ATP8A2: variants seen among roughly 807,000 people sequenced by gnomAD.
ATP8A2 encodes phospholipid-transporting ATPase IB.
Under a neutral mutation model 165.6 loss-of-function variants are expected in ATP8A2, and 100 were observed. That is an observed-to-expected ratio of 0.60 (90% CI 0.51 to 0.71). The LOEUF (loss-of-function observed/expected upper bound fraction) is 0.71, where lower values mean the gene tolerates loss of function less well. ATP8A2 is among the 30% of genes least tolerant of loss of function. The probability of loss-of-function intolerance (pLI) is 0.00; values close to 1 mark genes in which losing one functional copy is unlikely to be tolerated. For missense variants in ATP8A2, 1,227 were observed against 1,479.5 expected (o/e 0.83, Z 2.80); for synonymous variants, 543 against 548.8 (o/e 0.99, Z 0.15).
intron 24 of ATP8A2, among the ~76,000 whole-genome samples, chr13:25,650,091 T>C (rs2041774641): frequency 1.3e-5 from 2 of 152,146 alleles, no homozygotes; most frequent in Non-Finnish European, 2.9e-5. Flanking sequence ...GTAGAAACCA[T>C]GGTTTTTGGG....
intron 25 of ATP8A2, among the ~76,000 whole-genome samples, chr13:25,714,033 T>G (rs192276920): frequency 2.0e-5 from 3 of 152,138 alleles, no homozygotes; most frequent in Non-Finnish European, 4.4e-5. Context: ...TAGGCTGATA[T>G]AGATTTCTGT....
chr13:25,893,621 G>A (rs1409723704), intron 33 of ATP8A2, among the ~76,000 whole-genome samples: 2 of 152,156 alleles, frequency 1.3e-5, no homozygotes, highest in African/African-American at 4.8e-5. Context: ...CTGAGGAATC[G>A]CCACACCAAC....
chr13:25,902,640 C>G (rs1219991135), intron 33 of ATP8A2, among the ~76,000 whole-genome samples: 1 of 151,492 alleles, frequency 6.6e-6, no homozygotes, highest in African/African-American at 2.4e-5. Flanking sequence ...CGTGTGTGTG[C>G]ATGTGCAGGC....
intron 25 of ATP8A2, among the ~76,000 whole-genome samples, chr13:25,754,113 C>T (rs1286776450): frequency 2.6e-5 from 4 of 152,242 alleles, no homozygotes; most frequent in Non-Finnish European, 5.9e-5. Flanking sequence ...CTGCACATCT[C>T]CCTTAATTGC....
At chr13:25,964,590 A>G (rs553346446) in intron 34 of ATP8A2, among the ~76,000 whole-genome samples, 173 of 152,334 alleles carry the variant, frequency 1.1e-3, no homozygotes, top group Non-Finnish European at 1.6e-3. Context: ...CTGAACAAAA[A>G]TATTAATCCT....
rs999396549 is a variant in ATP8A2 at position 25,465,043 on chromosome 13, A to C, written c.77-3934A>C. Among the ~76,000 whole-genome samples the C allele has an allele frequency of 4.7e-4, 71 of 152,082 alleles. 1 individual carries two copies. The highest frequency in any genetic ancestry group is 3.3e-4 in the Admixed American group (5 of 15,264). On this transcript the variant is annotated intron_variant, in intron 1 of 36. Transcript: ENST00000381655. Reference sequence around the variant, plus strand: ...TTCCCTTTGGTTTCTTTCTCAGCTAATAGATATTTATTGAACTCCCACTCT... The same window carrying C: ...TTCCCTTTGGTTTCTTTCTCAGCTACTAGATATTTATTGAACTCCCACTCT...
At chr13:25,992,619 CTCT>C (rs1956417213) in intron 35 of ATP8A2, among the ~76,000 whole-genome samples, 1 of 151,946 alleles carries the variant, frequency 6.6e-6, no homozygotes, top group African/African-American at 2.4e-5. Context: ...TCTAAGAGAA[CTCT>C]GCTTAGCCCT....
intron 1 of ATP8A2, among the ~76,000 whole-genome samples, chr13:25,401,408 C>T (rs1321181806): frequency 6.6e-6 from 1 of 152,164 alleles, no homozygotes; most frequent in Admixed American, 6.5e-5. Context: ...TAAATTGAAT[C>T]TGAAGAAAGA....
At chr13:25,631,908 A>T (rs1054769344) in intron 24 of ATP8A2, among the ~76,000 whole-genome samples, 3 of 152,052 alleles carry the variant, frequency 2.0e-5, no homozygotes, top group African/African-American at 7.2e-5. Flanking sequence ...CTAGCAGCAA[A>T]CACCAACTGG....
In ATP8A2 at chr13:26,021,882, C is replaced by CT. The variant is rs1473255005; in HGVS notation, c.*1903dup. The CT allele has an allele frequency of 8.5e-5, 13 of 152,240 alleles. No individual in the cohort carries two copies. The South Asian group carries it at 1.0e-3, about 12-fold the overall frequency. The allele number at this position is 152,240 out of a possible 1,614,324, so 9.4% of individuals were successfully genotyped here. A position where few individuals can be genotyped will look rare whatever the true frequency, so the allele number is the denominator to read the frequency against. On this transcript the variant is annotated 3_prime_UTR_variant, in exon 37 of 37. Transcript: ENST00000381655. ...CTTTAGTGCACTTTGCTTCCTAACC[C>CT]TTTTTTGTCAGAAATCTACAACCTA...
intron 24 of ATP8A2, among the ~76,000 whole-genome samples, chr13:25,594,370 G>A (rs1311357645): frequency 6.6e-6 from 1 of 152,064 alleles, no homozygotes; most frequent in Non-Finnish European, 1.5e-5. Context: ...GTTGAATATG[G>A]GTGGAAGACC....
rs9581478 is a variant in ATP8A2 at position 25,927,170 on chromosome 13, G to A, written c.3184-34405G>A. On this transcript the variant is annotated intron_variant, in intron 33 of 36. Coordinates refer to ENST00000381655, the MANE Select transcript of ATP8A2 (RefSeq NM_016529.6). ...AAACACTAGCTGGATATTGCCCTCC[G>A]TGCTGCACGGCGGGTCCCTGTGCCC... 3.1e-3 allele frequency: 1,433 copies of A among 456,642 alleles called. 16 individuals are homozygous for A. Among genetic ancestry groups the A allele is most frequent in the African/African-American group, 0.023 (1,135 of 50,136 alleles). The allele number at this position is 456,642 out of a possible 1,614,324, so 28.3% of individuals were successfully genotyped here. A position where few individuals can be genotyped will look rare whatever the true frequency, so the allele number is the denominator to read the frequency against.
intron 2 of ATP8A2, among the ~76,000 whole-genome samples, chr13:25,512,928 C>T: frequency 6.8e-6 from 1 of 146,864 alleles, no homozygotes. Flanking sequence ...CCCCACCTCC[C>T]TCCCGGATGG....
chr13:25,722,166 A>G (rs1434711112), intron 25 of ATP8A2, among the ~76,000 whole-genome samples: 1 of 152,118 alleles, frequency 6.6e-6, no homozygotes. Flanking sequence ...TAGCCATCCT[A>G]GTGGGTATGC....
At chr13:25,787,892 T>A (rs1400743019) in intron 27 of ATP8A2, among the ~76,000 whole-genome samples, 2 of 152,208 alleles carry the variant, frequency 1.3e-5, no homozygotes, top group East Asian at 3.8e-4. Context: ...GCATTGACAG[T>A]AATCAAGCAA....
chr13:25,605,239 C>T (rs1236881985), intron 24 of ATP8A2, among the ~76,000 whole-genome samples: 1 of 151,950 alleles, frequency 6.6e-6, no homozygotes, highest in African/African-American at 2.4e-5. Context: ...TTATGTAGAC[C>T]TGGACATGTT....
chr13:25,876,283 A>G (rs1952817381), intron 33 of ATP8A2, among the ~76,000 whole-genome samples: 1 of 152,202 alleles, frequency 6.6e-6, no homozygotes, highest in Non-Finnish European at 1.5e-5. Context: ...TGGCAAGTAA[A>G]GCTGTATTAC....
intron 25 of ATP8A2, among the ~76,000 whole-genome samples, chr13:25,756,358 G>T (rs551500921): frequency 1.5e-5 from 2 of 132,206 alleles, no homozygotes; most frequent in South Asian, 4.8e-4. Flanking sequence ...ACAGGGTCTT[G>T]CTCTTTCGTC....
intron 24 of ATP8A2, among the ~76,000 whole-genome samples, chr13:25,637,109 A>AAG (rs1479405942): frequency 6.7e-6 from 1 of 149,138 alleles, no homozygotes; most frequent in African/African-American, 2.5e-5. Flanking sequence ...AAAAAAAAAA[A>AAG]AAAAAAAAAA....
Sources: allele counts gnomAD v4.1 joint callset (sites outside exome capture counted in the v4.1 genomes callset), GRCh38; gene constraint gnomAD v4.1.1; transcripts MANE v1.5; gene names NCBI Gene and HGNC (gene_info 2026-07-23, HGNC 2026-07-21).